Variants in SP3 observed in about 807,000 individuals in gnomAD.
SP3 encodes the protein transcription factor Sp3.
In SP3, 10 loss-of-function variants were observed where a neutral mutation model predicts 70.3. The observed-to-expected ratio is 0.14, with a 90% CI of 0.09 to 0.24. The LOEUF is 0.24. SP3 is among the 10% of genes least tolerant of loss of function. SP3 has a pLI of 1.00. For synonymous variants in SP3, 402 were observed against 333.5 expected, an observed-to-expected ratio of 1.21 and a Z score of -2.24; for missense variants, 825 against 914.6, an observed-to-expected ratio of 0.90 and a Z score of 1.26.
rs1689262717 is a variant in SP3 at position 173,904,538 on chromosome 2, A to C, written c.*5403T>G. 1.3e-5 allele frequency among the ~76,000 whole-genome samples: 2 copies of C among 152,354 alleles called. No homozygotes were observed. The highest frequency in any genetic ancestry group is 4.1e-4 in the South Asian group (2 of 4,828). On this transcript the variant is annotated 3_prime_UTR_variant, in exon 7 of 7. Coordinates refer to ENST00000310015, the MANE Select transcript of SP3 (RefSeq NM_003111.5). ...AACACTGCCAAGTTATCAGGAATCAAGAAAGCCATTTTCTTTTTCTTCTGG... is the reference window on the plus strand; with the variant it reads ...AACACTGCCAAGTTATCAGGAATCACGAAAGCCATTTTCTTTTTCTTCTGG...
At chr2:173,960,962 T>A (rs1484165829) in intron 3 of SP3, among the ~76,000 whole-genome samples, 1 of 152,020 alleles carries the variant, frequency 6.6e-6, no homozygotes, top group Admixed American at 6.6e-5. Context: ...GGCGACAGAG[T>A]GAGACTCTGT....
chr2:173,938,891 T>G (rs1198132619), intron 4 of SP3, among the ~76,000 whole-genome samples: 1 of 152,188 alleles, frequency 6.6e-6, no homozygotes, highest in South Asian at 2.1e-4. Context: ...AAGGGGGAGA[T>G]GAAGAACTGT....
intron 4 of SP3, among the ~76,000 whole-genome samples, chr2:173,944,099 G>C: frequency 6.6e-6 from 1 of 152,226 alleles, no homozygotes; most frequent in East Asian, 1.9e-4. Context: ...TCATTATGCA[G>C]CATGTGACTA....
chr2:173,928,624 T>C (rs1028049679), intron 4 of SP3, among the ~76,000 whole-genome samples: 12 of 152,144 alleles, frequency 7.9e-5, no homozygotes, highest in Admixed American at 7.2e-4. Context: ...CTTTAAATGA[T>C]CCACTAAACG....
At chr2:173,953,865 G>T (rs994971785) in intron 4 of SP3, among the ~76,000 whole-genome samples, 1 of 151,756 alleles carries the variant, frequency 6.6e-6, no homozygotes, top group African/African-American at 2.4e-5. Context: ...CACAGCTTCA[G>T]AAGGCTTAAA....
chr2:173,907,846 A>G lies in SP3; in HGVS notation c.*2095T>C, dbSNP rs1368395280. On this transcript the variant is annotated 3_prime_UTR_variant, in exon 7 of 7. Coordinates refer to ENST00000310015, the MANE Select transcript of SP3 (RefSeq NM_003111.5). ...CTAGTGGTTCCTTTATATTATTCCA[A>G]GTAGAACTTCCTATTTTACATCACA... 6.6e-6 allele frequency: 1 copy of G among 152,080 alleles called. No homozygotes were observed. Among genetic ancestry groups the G allele is most frequent in the Non-Finnish European group, 1.5e-5 (1 of 67,950 alleles). 9.4% of individuals were successfully genotyped at this position (152,080 alleles called of 1,614,324 possible).
chr2:173,916,603 A>G (rs1057472598), intron 5 of SP3: 1 of 152,096 alleles, frequency 6.6e-6, no homozygotes, highest in Admixed American at 6.6e-5. Context: ...TACTAAGACA[A>G]TATTAAGGTA....
chr2:173,908,052 C>G lies in SP3; in HGVS notation c.*1889G>C, dbSNP rs1038715821. The G allele has an allele frequency of 6.6e-6, 1 of 152,062 alleles. No homozygotes were observed. The highest frequency in any genetic ancestry group is 6.5e-5 in the Admixed American group (1 of 15,276). The allele number at this position is 152,062 out of a possible 1,614,324, so 9.4% of individuals were successfully genotyped here. A position where few individuals can be genotyped will look rare whatever the true frequency, so the allele number is the denominator to read the frequency against. ...TTTACTTTAAAACATCTACAATACA[C>G]AATCACATTAATACTCTTTCCTCCT... On this transcript the variant is annotated 3_prime_UTR_variant, in exon 7 of 7. Transcript: ENST00000310015.
chr2:173,947,329 G>A (rs1256352769), intron 4 of SP3, among the ~76,000 whole-genome samples: 1 of 151,916 alleles, frequency 6.6e-6, no homozygotes, highest in African/African-American at 2.4e-5. Flanking sequence ...TCTCTGTGTG[G>A]TATTCTGGGT....
At chr2:173,919,130 C>T (rs1262698839) in intron 4 of SP3, among the ~76,000 whole-genome samples, 1 of 152,096 alleles carries the variant, frequency 6.6e-6, no homozygotes, top group Non-Finnish European at 1.5e-5. Flanking sequence ...TAATAATCTA[C>T]CTGGAAAAAC....
intron 4 of SP3, among the ~76,000 whole-genome samples, chr2:173,935,859 G>C (rs997455321): frequency 7.1e-6 from 1 of 141,670 alleles, no homozygotes; most frequent in Non-Finnish European, 1.5e-5. Context: ...TTAAAACAAC[G>C]GATTCATCTC....
At chr2:173,933,038 G>A (rs1411631163) in intron 4 of SP3, among the ~76,000 whole-genome samples, 1 of 151,946 alleles carries the variant, frequency 6.6e-6, no homozygotes, top group Non-Finnish European at 1.5e-5. Context: ...AATATTCCAA[G>A]AATTGCCAAA....
Position 173,901,307 on chromosome 2 carries a change from A to G in SP3, c.*8634T>C, listed in dbSNP as rs1235889969. On this transcript the variant is annotated 3_prime_UTR_variant, in exon 7 of 7. Transcript: ENST00000310015. ...ATTCAGATACAATAAAACTTCTGCA[A>G]AACAACACACACAAAACACCATAAA... Among the ~76,000 whole-genome samples the G allele has an allele frequency of 6.6e-6, 1 of 152,182 alleles. No individual in the cohort carries two copies. The highest frequency in any genetic ancestry group is 1.5e-5 in the Non-Finnish European group (1 of 68,038).
At chr2:173,946,721 C>CTTTTTTTT (rs35419725) in intron 4 of SP3, among the ~76,000 whole-genome samples, 5 of 129,268 alleles carry the variant, frequency 3.9e-5, no homozygotes, top group Admixed American at 8.3e-5. Flanking sequence ...AAAGATCTGC[C>CTTTTTTTT]TTTTTTTTTT....
At chr2:173,944,914 T>C (rs2105486732) in intron 4 of SP3, among the ~76,000 whole-genome samples, 1 of 152,252 alleles carries the variant, frequency 6.6e-6, no homozygotes, top group Middle Eastern at 3.4e-3. Context: ...GCTAGGAGTT[T>C]GAGACCAGCC....
chr2:173,958,027 T>C (rs1690949412), intron 3 of SP3, among the ~76,000 whole-genome samples: 1 of 151,752 alleles, frequency 6.6e-6, no homozygotes. Flanking sequence ...AAACTACAAA[T>C]ATTTAAATCT....
chr2:173,965,449 C>G (rs1403724083), upstream of SP3: 7 of 424,006 alleles, frequency 1.7e-5, no homozygotes, highest in Admixed American at 2.2e-4. Context: ...GCTCATTGGT[C>G]CAGGCGCCTG....
At chr2:173,962,553 G>A (rs1300577678) in intron 3 of SP3, among the ~76,000 whole-genome samples, 1 of 151,804 alleles carries the variant, frequency 6.6e-6, no homozygotes, top group Non-Finnish European at 1.5e-5. Flanking sequence ...ATCTGCTTAT[G>A]AAAAAACAAG....
At position 173,958,959 on chromosome 2, in the gene SP3, T is replaced by C. The variant is rs144944036; in HGVS notation, c.280-2727A>G. On this transcript the variant is annotated intron_variant, in intron 3 of 6. Transcript: ENST00000310015. ...TGAGCACTGTGCAATCCCAAGATCA[T>C]TGTGAGTGCTAAGATTATGAGAATA... Among the ~76,000 whole-genome samples the C allele has an allele frequency of 1.3e-3, 194 of 152,272 alleles. 2 individuals carry two copies. The East Asian group carries it at 0.021, about 17-fold the overall frequency.
Sources: allele counts gnomAD v4.1 joint callset (sites outside exome capture counted in the v4.1 genomes callset), GRCh38; gene constraint gnomAD v4.1.1; transcripts MANE v1.5; gene names NCBI Gene and HGNC (gene_info 2026-07-23, HGNC 2026-07-21).